Variants in CSMD3 observed in about 807,000 individuals in gnomAD.
The protein encoded by CSMD3 is CUB and Sushi multiple domains 3.
Under a neutral mutation model 435.2 loss-of-function variants are expected in CSMD3, and 177 were observed. The observed-to-expected ratio is 0.41, with a 90% confidence interval of 0.36 to 0.46. CSMD3 has a LOEUF of 0.46. CSMD3 is among the 20% of genes least tolerant of loss of function. CSMD3 has a pLI of 0.34. For synonymous variants in CSMD3, 1,656 were observed against 1,520.5 expected (o/e 1.09, Z -2.07); for missense variants, 4,265 against 4,504.6 (o/e 0.95, Z 1.52).
intron 3 of CSMD3, among the ~76,000 whole-genome samples, chr8:113,257,659 T>G (rs2093393894): frequency 6.6e-6 from 1 of 152,168 alleles, no homozygotes; most frequent in Non-Finnish European, 1.5e-5. Context: ...AAAACATTGA[T>G]GTATGTACAA....
At chr8:113,152,007 T>A (rs1013952801) in intron 4 of CSMD3, among the ~76,000 whole-genome samples, 7 of 151,952 alleles carry the variant, frequency 4.6e-5, no homozygotes, top group Admixed American at 6.6e-5. Flanking sequence ...GAGTAACTTT[T>A]ACATGGGGGT....
chr8:113,227,190 GAAAT>G (rs2093038174), intron 3 of CSMD3, among the ~76,000 whole-genome samples: 1 of 151,490 alleles, frequency 6.6e-6, no homozygotes, highest in Non-Finnish European at 1.5e-5. Context: ...AAAAATTAGA[GAAAT>G]AACAGAAGCC....
intron 5 of CSMD3, among the ~76,000 whole-genome samples, chr8:113,035,361 A>G (rs985278577): frequency 2.0e-5 from 3 of 151,998 alleles, no homozygotes; most frequent in African/African-American, 7.2e-5. Context: ...ATGAATCTCA[A>G]AAGGATTATA....
chr8:112,976,201 A>AT (rs1193852338), intron 6 of CSMD3, 53 bp from the exon 7 acceptor site: 42 of 1,579,610 alleles, frequency 2.7e-5, no homozygotes, highest in Non-Finnish European at 3.5e-5. Flanking sequence ...AATTTTGTTT[A>AT]TTTTTTCTGA....
intron 10 of CSMD3, among the ~76,000 whole-genome samples, chr8:112,867,407 C>T (rs2081013791): frequency 1.3e-5 from 2 of 152,136 alleles, no homozygotes; most frequent in African/African-American, 4.8e-5. Context: ...TGATTTCAAA[C>T]TTCGTTCATG....
intron 5 of CSMD3, among the ~76,000 whole-genome samples, chr8:113,073,908 A>T (rs2089236106): frequency 6.6e-6 from 1 of 151,736 alleles, no homozygotes; most frequent in African/African-American, 2.4e-5. Flanking sequence ...CTCTTCGAAG[A>T]CTGTCTTAAA....
chr8:112,744,846 G>A (rs1549353), intron 13 of CSMD3, among the ~76,000 whole-genome samples: 50,482 of 151,846 alleles, frequency 0.33, 9,249 homozygotes, highest in African/African-American at 0.5. Context: ...CAGGTAACCT[G>A]TGCAGACTGG....
At chr8:112,496,296 A>G (rs1287329708) in intron 30 of CSMD3, among the ~76,000 whole-genome samples, 1 of 152,126 alleles carries the variant, frequency 6.6e-6, no homozygotes, top group Non-Finnish European at 1.5e-5. Context: ...TAAAGGCAAT[A>G]ACAAATACTG....
At chr8:112,890,735 T>G (rs989946556) in intron 10 of CSMD3, among the ~76,000 whole-genome samples, 1 of 151,730 alleles carries the variant, frequency 6.6e-6, no homozygotes, top group African/African-American at 2.4e-5. Flanking sequence ...CTAAATATTT[T>G]CTGAAAGACA....
chr8:112,703,076 G>T (rs2131884444), intron 13 of CSMD3, among the ~76,000 whole-genome samples: 1 of 152,238 alleles, frequency 6.6e-6, no homozygotes, highest in South Asian at 2.1e-4. Context: ...ACTTGATTTT[G>T]TTATAATAAT....
intron 13 of CSMD3, among the ~76,000 whole-genome samples, chr8:112,740,165 G>T (rs2132049876): frequency 6.6e-6 from 1 of 151,472 alleles, no homozygotes; most frequent in African/African-American, 2.4e-5. Context: ...CTTGTTCATG[G>T]CACATCATTA....
chr8:112,509,167 G>A (rs1686895413), intron 28 of CSMD3, among the ~76,000 whole-genome samples: 1 of 149,690 alleles, frequency 6.7e-6, no homozygotes, highest in Non-Finnish European at 1.5e-5. Flanking sequence ...ACAGCTCACT[G>A]CAGCCTTGAC....
At chr8:113,135,171 C>T (rs550174784) in intron 4 of CSMD3, among the ~76,000 whole-genome samples, 145 of 151,964 alleles carry the variant, frequency 9.5e-4, no homozygotes, top group Admixed American at 1.7e-3. Flanking sequence ...GCATTGTATA[C>T]CTGACACATA....
chr8:112,260,355 G>C (rs1179845793), intron 61 of CSMD3, among the ~76,000 whole-genome samples: 4 of 152,070 alleles, frequency 2.6e-5, no homozygotes, highest in Non-Finnish European at 5.9e-5. Context: ...CTTGCAATTT[G>C]ATTTTCCCTT....
At position 112,517,062 on chromosome 8, in the gene CSMD3, G is replaced by A. The variant is rs2130987510; in HGVS notation, c.4728C>T (p.Phe1576=). ...TACAGACTGGTGGGCTGGGCTGCCA[G>A]AAGTACCGATTTTCTACCTGAATGC... ...ITCIQVENRY[F]WQPSPPVCIA... is the part of the protein sequence containing the mutation. Residue 1576 remains phenylalanine, a synonymous_variant, in exon 28 of 71, where the codon TTC becomes TTT. Coordinates refer to ENST00000297405, the MANE Select transcript of CSMD3 (RefSeq NM_198123.2). 6.2e-7 allele frequency: 1 copy of A among 1,613,638 alleles called. No homozygotes were observed. The highest frequency in any genetic ancestry group is 8.5e-7 in the Non-Finnish European group (1 of 1,179,794).
rs147956972 is a variant in CSMD3, at chr8:112,923,302, T to G, written c.1509-1551A>C. Reference sequence around the variant, plus strand: ...TTCAAATTTCCCATCCCTGTTTCACTCAGAATAAAGGATCACCTGTTTCAC... The same window carrying G: ...TTCAAATTTCCCATCCCTGTTTCACGCAGAATAAAGGATCACCTGTTTCAC... On this transcript the variant is annotated intron_variant, in intron 9 of 70. Coordinates refer to ENST00000297405, the MANE Select transcript of CSMD3 (RefSeq NM_198123.2). Among the ~76,000 whole-genome samples the G allele has an allele frequency of 2.9e-3, 434 of 152,254 alleles. 3 individuals carry two copies. Among genetic ancestry groups the G allele is most frequent in the African/African-American group, 9.9e-3 (410 of 41,560 alleles).
chr8:113,141,053 A>G (rs1454564232), intron 4 of CSMD3, among the ~76,000 whole-genome samples: 3 of 150,990 alleles, frequency 2.0e-5, no homozygotes, highest in Non-Finnish European at 4.5e-5. Flanking sequence ...AGAAAATACT[A>G]TGAATTTACA....
chr8:112,689,003 C>G (rs763956329), intron 14 of CSMD3, among the ~76,000 whole-genome samples: 71 of 152,122 alleles, frequency 4.7e-4, no homozygotes, highest in Non-Finnish European at 6.9e-4. Context: ...AAATTGTCAA[C>G]AAAAGTATTT....
chr8:112,400,805 T>G (rs1386128900), intron 35 of CSMD3, among the ~76,000 whole-genome samples: 4 of 152,230 alleles, frequency 2.6e-5, no homozygotes, highest in African/African-American at 9.6e-5. Flanking sequence ...ATGGCTAAAA[T>G]GCTGGGATTA....
Sources: allele counts gnomAD v4.1 joint callset (sites outside exome capture counted in the v4.1 genomes callset), GRCh38; gene constraint gnomAD v4.1.1; transcripts MANE v1.5; gene names NCBI Gene and HGNC (gene_info 2026-07-23, HGNC 2026-07-21).